Variants in MBNL3 observed in about 807,000 individuals in gnomAD.
MBNL3 encodes the protein muscleblind-like protein 3.
A neutral mutation model predicts 24.5 loss-of-function variants in MBNL3; 6 were observed. That is an observed-to-expected ratio of 0.25 (90% confidence interval 0.13 to 0.48). The LOEUF (loss-of-function observed/expected upper bound fraction) is 0.48, where lower values mean the gene tolerates loss of function less well. Ranked by LOEUF, MBNL3 falls within the 20% of genes least tolerant of loss-of-function variation. The probability of loss-of-function intolerance (pLI) is 0.99; values close to 1 mark genes in which losing one functional copy is unlikely to be tolerated. For missense variants in MBNL3, 230 were observed against 293.5 expected, an observed-to-expected ratio of 0.78 and a Z score of 1.58; for synonymous variants, 100 against 101.7, an observed-to-expected ratio of 0.98 and a Z score of 0.10.
Position 132,456,256 on chromosome X carries a change from T to C in MBNL3, c.-703-15942A>G, listed in dbSNP as rs150342330. The stretch of plus-strand genomic sequence containing the variant: ...AACTGTGTCTACACAAAATATTTTC[T>C]ATATTAATTTCTAATCAACTGGGAT... On this transcript the variant is annotated intron_variant, in intron 1 of 8. Transcript: ENST00000370853. 7.5e-3 allele frequency among the ~76,000 whole-genome samples: 839 copies of C among 112,431 alleles called. 5 individuals are homozygous for C. Among genetic ancestry groups the C allele is most frequent in the African/African-American group, 0.025 (777 of 31,010 alleles).
chrX:132,452,843 T>C (rs887537162), intron 1 of MBNL3, among the ~76,000 whole-genome samples: 1 of 112,502 alleles, frequency 8.9e-6, no homozygotes, highest in Admixed American at 9.4e-5. Flanking sequence ...ATATATGATA[T>C]GTCTGCAAAC....
At chrX:132,454,181 A>G (rs1359429548) in intron 1 of MBNL3, among the ~76,000 whole-genome samples, 1 of 111,422 alleles carries the variant, frequency 9.0e-6, no homozygotes, top group Non-Finnish European at 1.9e-5. Flanking sequence ...CAAGATATTC[A>G]TTGATAAGAT....
intron 8 of MBNL3, among the ~76,000 whole-genome samples, chrX:132,380,923 C>T (rs1278471692): frequency 2.7e-5 from 3 of 110,978 alleles, no homozygotes; most frequent in Non-Finnish European, 5.7e-5. Context: ...AATTATGTCA[C>T]TCAAAATTCA....
At position 132,474,266 on chromosome X, in the gene MBNL3, C is replaced by G. The variant is rs1043113766; in HGVS notation, c.-704+14585G>C. ...AGGCAAATCAGAGTAAACCTATATC[C>G]TCTATAGTTACATTTGAATTCTCAT... On this transcript the variant is annotated intron_variant, in intron 1 of 8. Transcript: ENST00000370853. 4.5e-5 allele frequency among the ~76,000 whole-genome samples: 5 copies of G among 111,406 alleles called. No individual in the cohort carries two copies. In the Admixed American group the frequency reaches 4.7e-4, roughly 11 times the overall value.
chrX:132,470,968 A>C (rs1045295023), intron 1 of MBNL3, among the ~76,000 whole-genome samples: 6 of 111,229 alleles, frequency 5.4e-5, no homozygotes, highest in African/African-American at 2.0e-4. Context: ...TCAAGTTTTG[A>C]TGCTACTGTT....
chrX:132,456,232 ACT>A (rs769734919), intron 1 of MBNL3, among the ~76,000 whole-genome samples: 35 of 112,213 alleles, frequency 3.1e-4, no homozygotes, highest in Admixed American at 1.1e-3. Context: ...GTCTGGATAA[ACT>A]GTGTCTACAC....
intron 1 of MBNL3, among the ~76,000 whole-genome samples, chrX:132,450,610 A>G (rs754261736): frequency 1.2e-4 from 14 of 112,161 alleles, no homozygotes; most frequent in Non-Finnish European, 3.8e-5. Context: ...GGGTTAGAAC[A>G]TGCTCCGTTA....
chrX:132,392,348 A>G lies in MBNL3; in HGVS notation c.343-14T>C. On this transcript the variant is annotated splice_polypyrimidine_tract_variant and intron_variant, in intron 3 of 8. Transcript: ENST00000370853. ...AGGAAAAGAACCCTGTATGTTTAAAAGAGAAAAAAAGATGTTAGAGGTAAA... is the reference window on the plus strand; with the variant it reads ...AGGAAAAGAACCCTGTATGTTTAAAGGAGAAAAAAAGATGTTAGAGGTAAA... 8.7e-7 allele frequency: 1 copy of G among 1,148,078 alleles called. No individual in the cohort carries two copies. The highest frequency in any genetic ancestry group is 2.0e-5 in the South Asian group (1 of 49,035). 94.6% of individuals were successfully genotyped at this position (1,148,078 alleles called of 1,213,427 possible). A position where few individuals can be genotyped will look rare whatever the true frequency, so the allele number is the denominator to read the frequency against.
At chrX:132,387,590 C>T (rs1439625928) in intron 5 of MBNL3, among the ~76,000 whole-genome samples, 1 of 111,446 alleles carries the variant, frequency 9.0e-6, no homozygotes, top group Non-Finnish European at 1.9e-5. Flanking sequence ...AGATCAGAGT[C>T]TGACACTGTC....
chrX:132,392,228 T>C lies in MBNL3; in HGVS notation c.449A>G (p.Asn150Ser). ...GTTTCCAGGAATCAGAACAGGTGTATTTGGTACAAGTTCTGCAGGAACGAG... is the reference window on the plus strand; with the variant it reads ...GTTTCCAGGAATCAGAACAGGTGTACTTGGTACAAGTTCTGCAGGAACGAG... ...MGLVPAELVP[N>S]TPVLIPGNPP... The change falls in exon 4 of 9, where the codon AAT (asparagine) becomes AGT (serine). Residue 150 changes from asparagine to serine, a missense_variant. Asn to Ser is a conservative substitution (Grantham distance 46). Transcript: ENST00000370853. 8.3e-7 allele frequency: 1 copy of C among 1,210,502 alleles called. No homozygotes were observed.
intron 2 of MBNL3, among the ~76,000 whole-genome samples, chrX:132,425,989 A>G (rs1468672439): frequency 8.9e-6 from 1 of 111,939 alleles, no homozygotes; most frequent in Non-Finnish European, 1.9e-5. Context: ...TGGTTGAGTG[A>G]GGAAAGTTGG....
intron 1 of MBNL3, among the ~76,000 whole-genome samples, chrX:132,447,697 A>G (rs1340245386): frequency 8.9e-6 from 1 of 111,881 alleles, no homozygotes; most frequent in East Asian, 2.8e-4. Flanking sequence ...GTCATCTGCA[A>G]AGAGACAATT....
At chrX:132,489,418 C>T (rs1221315870), upstream of MBNL3, among the ~76,000 whole-genome samples, 3 of 112,187 alleles carry the variant, frequency 2.7e-5, no homozygotes, top group Non-Finnish European at 5.7e-5. Context: ...AGCGCCCCAG[C>T]TCCCTCGCGG....
At chrX:132,391,907 G>C (rs1219659466) in intron 4 of MBNL3, among the ~76,000 whole-genome samples, 1 of 111,970 alleles carries the variant, frequency 8.9e-6, no homozygotes, top group Admixed American at 9.5e-5. Context: ...GAGGCTTCCT[G>C]TGCCATCGCA....
chrX:132,474,623 G>A (rs1947346321), intron 1 of MBNL3, among the ~76,000 whole-genome samples: 1 of 111,562 alleles, frequency 9.0e-6, no homozygotes. Flanking sequence ...TAACAGAGAT[G>A]TTGCGCAAGT....
intron 1 of MBNL3, among the ~76,000 whole-genome samples, chrX:132,481,394 A>G (rs974741065): frequency 8.9e-5 from 10 of 112,572 alleles, no homozygotes; most frequent in Non-Finnish European, 1.7e-4. Context: ...CATTTGTAAA[A>G]GAATTTAAAA....
intron 1 of MBNL3, among the ~76,000 whole-genome samples, chrX:132,463,657 A>G (rs1385816966): frequency 1.8e-5 from 2 of 111,392 alleles, no homozygotes; most frequent in Non-Finnish European, 3.8e-5. Context: ...GTGGCTAGTT[A>G]AAAATAAGGA....
chrX:132,427,403 G>A (rs1021310363), intron 2 of MBNL3, among the ~76,000 whole-genome samples: 15 of 111,324 alleles, frequency 1.3e-4, no homozygotes, highest in African/African-American at 4.9e-4. Context: ...CCAGGAAATT[G>A]CAGAAACACT....
intron 3 of MBNL3, among the ~76,000 whole-genome samples, chrX:132,395,403 C>G (rs1368326733): frequency 1.8e-5 from 2 of 111,917 alleles, no homozygotes; most frequent in Non-Finnish European, 3.8e-5. Context: ...TCTGATTTAT[C>G]TTTACAGCCT....
Sources: allele counts gnomAD v4.1 joint callset (sites outside exome capture counted in the v4.1 genomes callset), GRCh38; gene constraint gnomAD v4.1.1; transcripts MANE v1.5; gene names NCBI Gene and HGNC (gene_info 2026-07-23, HGNC 2026-07-21).